The following API5 variants were observed in gnomAD, a reference collection of about 807,000 sequenced individuals.
The protein encoded by API5 is apoptosis inhibitor 5.
In API5, 6 loss-of-function variants were observed where a neutral mutation model predicts 71.9. That is an observed-to-expected ratio of 0.08 (90% CI 0.05 to 0.16). The LOEUF is 0.16. Ranked by LOEUF, API5 falls within the 10% of genes least tolerant of loss-of-function variation. API5 has a pLI of 1.00. For missense variants in API5, 332 were observed against 612.8 expected (o/e 0.54, Z 4.84); for synonymous variants, 189 against 221.3 (o/e 0.85, Z 1.30).
intron 6 of API5, among the ~76,000 whole-genome samples, chr11:43,326,298 T>G (rs371774729): frequency 1.3e-5 from 2 of 152,274 alleles, no homozygotes; most frequent in South Asian, 2.1e-4. Flanking sequence ...CTTTATCTTT[T>G]TATTCCATTT....
chr11:43,317,074 T>TA (rs1297194186), intron 1 of API5, among the ~76,000 whole-genome samples: 1 of 152,188 alleles, frequency 6.6e-6, no homozygotes, highest in Non-Finnish European at 1.5e-5. Flanking sequence ...TATTGGTCAT[T>TA]CCCCGCTTGA....
Position 43,344,470 on chromosome 11 carries a change from A to T in API5, c.*1960A>T, listed in dbSNP as rs1301820230. On this transcript the variant is annotated 3_prime_UTR_variant, in exon 14 of 14. Transcript: ENST00000531273. ...TTCTTTTGCAAGACACCTGTTTATC[A>T]TCTTGTTTAAATGTAAATGTCCCCT... 2.0e-5 allele frequency: 3 copies of T among 152,564 alleles called. No homozygotes were observed. Among genetic ancestry groups the T allele is most frequent in the African/African-American group, 7.2e-5 (3 of 41,420 alleles). 9.5% of individuals were successfully genotyped at this position (152,564 alleles called of 1,614,324 possible).
At chr11:43,329,917 C>T (rs1194708277) in intron 9 of API5, 48 bp from the exon 10 acceptor site, 1 of 1,543,630 alleles carries the variant, frequency 6.5e-7, no homozygotes, top group African/African-American at 1.4e-5. Context: ...AGTTTAAAAA[C>T]AAAATTGAAG....
intron 1 of API5, among the ~76,000 whole-genome samples, chr11:43,315,677 T>A (rs544146693): frequency 6.6e-6 from 1 of 152,144 alleles, no homozygotes; most frequent in African/African-American, 2.4e-5. Flanking sequence ...AGTCCTATCA[T>A]CTTCTCATGT....
Position 43,320,857 on chromosome 11 carries a change from G to A in API5, c.268G>A (p.Ala90Thr), listed in dbSNP as rs1854864363. The A allele has an allele frequency of 1.9e-6, 3 of 1,611,946 alleles. No individual in the cohort carries two copies. Among genetic ancestry groups the A allele is most frequent in the African/African-American group, 2.7e-5 (2 of 74,848 alleles). ...AGCAATTAAAGAACTGCCTCAATTT[G>A]CCACTGGAGAAAATCTTCCTCGAGT... ...RQAIKELPQFATGENLPRVAD... is the reference protein window; with the variant it reads ...RQAIKELPQFTTGENLPRVAD... Residue 90 changes from alanine (A) to threonine (T), a missense_variant, in exon 3 of 14, where the codon GCC becomes ACC. Transcript: ENST00000531273.
chr11:43,324,719 C>T (rs957938407), intron 6 of API5, among the ~76,000 whole-genome samples: 7 of 151,860 alleles, frequency 4.6e-5, no homozygotes, highest in African/African-American at 1.5e-4. Context: ...GCTCCATCCC[C>T]CAGGCTGGAG....
chr11:43,313,725 C>T (rs910771486), intron 1 of API5, among the ~76,000 whole-genome samples: 3 of 152,076 alleles, frequency 2.0e-5, no homozygotes, highest in Non-Finnish European at 2.9e-5. Flanking sequence ...GAAATGTATA[C>T]GGATGTTCTG....
At position 43,328,822 on chromosome 11, in the gene API5, G is replaced by C; in HGVS notation, c.1056G>C (p.Gln352His). 1 of 1,614,040 alleles carries C rather than the reference G, an allele frequency of 6.2e-7. No individual in the cohort carries two copies. The highest frequency in any genetic ancestry group is 8.5e-7 in the Non-Finnish European group (1 of 1,179,980). ...AATGTTTGTTGTACAGTTTTCACCA[G>C]TTGGGCCGAAAACTTCCAGATTTCT... ...YVECLLYSFH[Q>H]LGRKLPDFLT... Residue 352 changes from glutamine (Q) to histidine (H), a missense_variant, in exon 9 of 14, where the codon CAG (glutamine) becomes CAC (histidine). By Grantham distance (24) the Gln-to-His change is conservative. Transcript: ENST00000531273.
At chr11:43,329,545 A>C (rs1027712431) in intron 9 of API5, among the ~76,000 whole-genome samples, 7 of 152,240 alleles carry the variant, frequency 4.6e-5, no homozygotes, top group African/African-American at 1.4e-4. Context: ...AGAATTTAAT[A>C]AGACAATGAA....
intron 9 of API5, 126 bp downstream of exon 9, chr11:43,329,019 G>A: frequency 1.0e-6 from 1 of 967,622 alleles, no homozygotes; most frequent in Non-Finnish European, 1.5e-6. Flanking sequence ...AGATTGGAGG[G>A]TTCAGAAAAT....
At chr11:43,333,792 G>A (rs908345931) in intron 11 of API5, among the ~76,000 whole-genome samples, 2 of 144,108 alleles carry the variant, frequency 1.4e-5, no homozygotes, top group Non-Finnish European at 2.9e-5. Flanking sequence ...TCAACACAAA[G>A]GTCAGGAAGG....
chr11:43,341,625 G>C (rs916154419), intron 13 of API5, among the ~76,000 whole-genome samples: 10 of 152,044 alleles, frequency 6.6e-5, no homozygotes, highest in Admixed American at 6.6e-4. Flanking sequence ...TTTGTGGGAG[G>C]ATGCAAAATA....
chr11:43,325,561 G>A (rs1450391599), intron 6 of API5, among the ~76,000 whole-genome samples: 1 of 152,164 alleles, frequency 6.6e-6, no homozygotes, highest in Non-Finnish European at 1.5e-5. Flanking sequence ...AATTCCGACT[G>A]AAAAATTGAA....
intron 11 of API5, among the ~76,000 whole-genome samples, chr11:43,333,840 C>T (rs537168306): frequency 4.2e-4 from 64 of 152,250 alleles, no homozygotes; most frequent in Non-Finnish European, 7.1e-4. Flanking sequence ...AGCCATGAGT[C>T]GGTTTCCAGG....
chr11:43,322,172 A>C, intron 5 of API5, 36 bp downstream of exon 5: 1 of 1,561,226 alleles, frequency 6.4e-7, no homozygotes, highest in East Asian at 2.3e-5. Context: ...AAATTCTCTA[A>C]AGCAAAAGAG....
At position 43,330,326 on chromosome 11, in the gene API5, C is replaced by T. The variant is rs78511975; in HGVS notation, c.1222-182C>T. 459 of 643,490 alleles carry T rather than the reference C, an allele frequency of 7.1e-4. 2 individuals carry two copies. The African/African-American group carries it at 7.7e-3, about 11-fold the overall frequency. 39.9% of individuals were successfully genotyped at this position (643,490 alleles called of 1,614,324 possible). On this transcript the variant is annotated intron_variant, in intron 10 of 13. Transcript: ENST00000531273. ...AGATTATTTGCTTTCTTTGCTACAT[C>T]TAGATTTGTTTAGAGTCAAGCAATA... is the stretch of plus-strand genomic sequence containing the variant.
Position 43,335,298 on chromosome 11 carries a change from T to G in API5, c.1299T>G (p.Pro433=), listed in dbSNP as rs1035491178. ...VLIKDLFHIP[P]SYKSTVTLSW... The stretch of plus-strand genomic sequence containing the variant: ...TGCAGGATCTCTTCCACATTCCTCC[T>G]TCTTATAAGAGCACAGTAACACTAT... The change falls in exon 12 of 14, where the codon CCT becomes CCG. Residue 433 remains proline, a synonymous_variant. Transcript: ENST00000531273. 6.2e-7 allele frequency: 1 copy of G among 1,606,620 alleles called. No individual in the cohort carries two copies. The highest frequency in any genetic ancestry group is 1.7e-5 in the Admixed American group (1 of 59,828).
At chr11:43,321,304 T>C in intron 3 of API5, 107 bp from the exon 4 acceptor site, 2 of 929,510 alleles carry the variant, frequency 2.2e-6, no homozygotes, top group East Asian at 2.6e-5. Context: ...GTTATAAGTT[T>C]CCTGTCAATG....
intron 11 of API5, 139 bp downstream of exon 11, chr11:43,330,703 A>G (rs766740331): frequency 4.3e-5 from 29 of 670,520 alleles, no homozygotes; most frequent in Non-Finnish European, 6.9e-5. Flanking sequence ...AAACAGATAG[A>G]TACAGTCTCA....
Sources: gnomAD v4.1 joint callset for allele counts (sites outside exome capture counted in the v4.1 genomes callset) on GRCh38, gnomAD v4.1.1 for gene constraint, MANE v1.5 for transcripts, NCBI Gene and HGNC (gene_info 2026-07-23, HGNC 2026-07-21) for gene names.